HIVEP3: variants seen among roughly 807,000 people sequenced by gnomAD.
HIVEP3 encodes transcription factor HIVEP3.
A neutral mutation model predicts 152.8 loss-of-function variants in HIVEP3; 49 were observed. The ratio of observed to expected loss-of-function variants is 0.32; its 90% CI spans 0.26 to 0.41. HIVEP3 has a LOEUF of 0.41. HIVEP3 is among the 10% of genes least tolerant of loss of function. The pLI, the probability that HIVEP3 is intolerant of heterozygous loss-of-function variation, is 1.00. For synonymous variants in HIVEP3, 1,269 were observed against 1,289.0 expected (o/e 0.98, Z 0.33); for missense variants, 2,790 against 3,103.3 (o/e 0.90, Z 2.40).
chr1:41,637,303 T>C (rs547262435), intron 2 of HIVEP3, among the ~76,000 whole-genome samples: 1 of 152,346 alleles, frequency 6.6e-6, no homozygotes, highest in African/African-American at 2.4e-5. Flanking sequence ...ATACACACAA[T>C]GGAATAGTCA....
At chr1:41,679,063 C>G (rs999551540) in intron 2 of HIVEP3, among the ~76,000 whole-genome samples, 8 of 152,236 alleles carry the variant, frequency 5.3e-5, no homozygotes, top group Non-Finnish European at 1.2e-4. Flanking sequence ...GGATACATCT[C>G]AAGGATCCTG....
chr1:41,727,599 C>T (rs552039345), intron 1 of HIVEP3, among the ~76,000 whole-genome samples: 7 of 152,350 alleles, frequency 4.6e-5, no homozygotes, highest in African/African-American at 1.4e-4. Flanking sequence ...AGGGGCGCGG[C>T]GCCGCCGGAG....
chr1:41,581,395 C>T lies in HIVEP3; in HGVS notation c.3403G>A (p.Glu1135Lys), dbSNP rs1452882390. 11 of 1,608,386 alleles carry T rather than the reference C, an allele frequency of 6.8e-6. No individual in the cohort carries two copies. Among genetic ancestry groups the T allele is most frequent in the Admixed American group, 6.7e-5 (4 of 59,442 alleles). The change falls in exon 4 of 9, where the codon GAG becomes AAG. Residue 1135 changes from glutamate to lysine, a missense_variant. Transcript: ENST00000372583. This position sits in a 1 kb window ranked among gnomAD's most constrained non-coding sequence, Gnocchi z 4.5. The stretch of plus-strand genomic sequence containing the variant: ...ACTGGTGGGGGCAGGTATGGCTTCT[C>T]ATGCAGGGGTGTCTGGGCAACGGGG... ...HHPVAQTPLH[E>K]KPYLPPPVSL...
intron 1 of HIVEP3, among the ~76,000 whole-genome samples, chr1:41,901,596 T>C (rs1439283473): frequency 6.6e-6 from 1 of 152,072 alleles, no homozygotes; most frequent in African/African-American, 2.4e-5. Flanking sequence ...GAAAACAAGA[T>C]GCAGAGTTTT....
intron 2 of HIVEP3, among the ~76,000 whole-genome samples, chr1:41,699,698 G>A (rs1005474888): frequency 6.6e-5 from 10 of 152,216 alleles, no homozygotes; most frequent in Admixed American, 1.3e-4. Context: ...TGTGAGAGCC[G>A]AGGCCACAGA....
intron 2 of HIVEP3, among the ~76,000 whole-genome samples, chr1:41,691,448 G>A (rs1646197640): frequency 6.6e-6 from 1 of 152,186 alleles, no homozygotes; most frequent in African/African-American, 2.4e-5. Flanking sequence ...TGACCATCAA[G>A]GTGATAGTAT....
At position 41,584,330 on chromosome 1, in the gene HIVEP3, G is replaced by A. The variant is rs1644469279; in HGVS notation, c.468C>T (p.Asp156=). ...PSHASIIPPE[D]LPGVPKVFVP... The stretch of plus-strand genomic sequence containing the variant: ...CGAAGACTTTGGGGACTCCAGGAAG[G>A]TCCTCGGGGGGAATGATGGAAGCGT... The change falls in exon 4 of 9, where the codon GAC becomes GAT. Residue 156 remains aspartate (D), a synonymous_variant. Transcript: ENST00000372583. This position sits in a 1 kb window ranked among gnomAD's most constrained non-coding sequence, Gnocchi z 5.2. 6.2e-7 allele frequency: 1 copy of A among 1,613,936 alleles called. No individual in the cohort carries two copies. Among genetic ancestry groups the A allele is most frequent in the East Asian group, 2.2e-5 (1 of 44,872 alleles).
chr1:41,972,699 A>T (rs1429228322), intron 1 of HIVEP3, among the ~76,000 whole-genome samples: 1 of 152,224 alleles, frequency 6.6e-6, no homozygotes, highest in African/African-American at 2.4e-5. Context: ...AAGTGAAGAG[A>T]AAATGGGTGT....
At chr1:42,034,775 G>A (rs902173367) in intron 1 of HIVEP3, among the ~76,000 whole-genome samples, 1 of 152,140 alleles carries the variant, frequency 6.6e-6, no homozygotes, top group Non-Finnish European at 1.5e-5. Flanking sequence ...TCTTAACTGA[G>A]GAACACTCAG....
chr1:41,685,909 T>G (rs1486605153), intron 2 of HIVEP3, among the ~76,000 whole-genome samples: 1 of 152,152 alleles, frequency 6.6e-6, no homozygotes, highest in African/African-American at 2.4e-5. Flanking sequence ...TGGTGTGTGT[T>G]GGAACTGTGT....
At chr1:41,634,639 A>G (rs1207361310) in intron 2 of HIVEP3, among the ~76,000 whole-genome samples, 1 of 152,236 alleles carries the variant, frequency 6.6e-6, no homozygotes. Context: ...CTGACAAAAA[A>G]GATGGAAATC....
intron 1 of HIVEP3, among the ~76,000 whole-genome samples, chr1:41,731,590 T>C (rs934722124): frequency 6.6e-6 from 1 of 152,214 alleles, no homozygotes; most frequent in Admixed American, 6.5e-5. Context: ...TTGCTCTCTC[T>C]TGGACCCCAG....
intron 1 of HIVEP3, among the ~76,000 whole-genome samples, chr1:41,903,740 T>C (rs1364032069): frequency 1.3e-5 from 2 of 152,024 alleles, no homozygotes; most frequent in African/African-American, 4.8e-5. Flanking sequence ...GATGGCTTTC[T>C]GTCCAGGGAG....
intron 1 of HIVEP3, among the ~76,000 whole-genome samples, chr1:41,928,217 C>T (rs1420013124): frequency 6.6e-6 from 1 of 152,084 alleles, no homozygotes; most frequent in Non-Finnish European, 1.5e-5. Context: ...AGTCCAAAGA[C>T]TACAGTGGGT....
At chr1:41,818,134 G>A (rs560396310) in intron 1 of HIVEP3, among the ~76,000 whole-genome samples, 1 of 152,236 alleles carries the variant, frequency 6.6e-6, no homozygotes, top group African/African-American at 2.4e-5. Flanking sequence ...GAAAAGGACA[G>A]GAAACTCAAT....
At chr1:41,927,889 G>C (rs1038222749) in intron 1 of HIVEP3, among the ~76,000 whole-genome samples, 1 of 151,886 alleles carries the variant, frequency 6.6e-6, no homozygotes, top group African/African-American at 2.4e-5. Flanking sequence ...GTGAAACCCC[G>C]TCTCTACTAA....
chr1:41,534,703 C>G (rs1320466758), intron 5 of HIVEP3, among the ~76,000 whole-genome samples: 1 of 152,256 alleles, frequency 6.6e-6, no homozygotes, highest in Non-Finnish European at 1.5e-5. Flanking sequence ...GCGAGGCCTT[C>G]TTTCCTGGGG....
chr1:41,869,316 A>T (rs1644037131), intron 1 of HIVEP3, among the ~76,000 whole-genome samples: 1 of 152,198 alleles, frequency 6.6e-6, no homozygotes, highest in African/African-American at 2.4e-5. Flanking sequence ...CCTGCCCTGG[A>T]TATCAACTGC....
At chr1:41,846,856 T>C (rs1328345821) in intron 1 of HIVEP3, among the ~76,000 whole-genome samples, 1 of 152,210 alleles carries the variant, frequency 6.6e-6, no homozygotes, top group African/African-American at 2.4e-5. Flanking sequence ...AAATGACTGT[T>C]TCTCAGCATC....
Sources: allele counts gnomAD v4.1 joint callset (sites outside exome capture counted in the v4.1 genomes callset), GRCh38; gene constraint gnomAD v4.1.1; non-coding constraint Gnocchi (gnomAD v3.1); transcripts MANE v1.5; gene names NCBI Gene and HGNC (gene_info 2026-07-23, HGNC 2026-07-21).